PSD3: variants seen among roughly 807,000 people sequenced by gnomAD.
PSD3 encodes the protein pleckstrin and Sec7 domain containing 3.
In PSD3, 49 loss-of-function variants were observed where a neutral mutation model predicts 105.5. That is an observed-to-expected ratio of 0.46 (90% CI 0.37 to 0.59). The LOEUF (loss-of-function observed/expected upper bound fraction) is 0.59. Ranked by LOEUF, PSD3 falls within the 20% of genes least tolerant of loss-of-function variation. The pLI is 0.00. For missense variants in PSD3, 1,561 were observed against 1,263.8 expected, an observed-to-expected ratio of 1.24 and a Z score of -3.57; for synonymous variants, 557 against 457.8, an observed-to-expected ratio of 1.22 and a Z score of -2.77.
intron 9 of PSD3, among the ~76,000 whole-genome samples, chr8:18,685,136 T>C (rs1260721354): frequency 6.6e-6 from 1 of 152,232 alleles, no homozygotes; most frequent in Admixed American, 6.5e-5. Context: ...ACCCCTCAGA[T>C]TTAAACTTTT....
chr8:18,625,749 G>C (rs1035380249), intron 11 of PSD3, among the ~76,000 whole-genome samples: 2 of 152,140 alleles, frequency 1.3e-5, no homozygotes, highest in African/African-American at 2.4e-5. Context: ...CCTTGGTTAA[G>C]ATGCTTAGGA....
chr8:19,034,640 T>G (rs1227277878), intron 1 of PSD3, among the ~76,000 whole-genome samples: 1 of 152,212 alleles, frequency 6.6e-6, no homozygotes, highest in Non-Finnish European at 1.5e-5. Flanking sequence ...GATGACCCCC[T>G]GCAACAGGCT....
chr8:19,013,739 T>A, upstream of PSD3: 1 of 499,346 alleles, frequency 2.0e-6, no homozygotes, highest in Non-Finnish European at 2.8e-6. Flanking sequence ...TGGCGGAGGC[T>A]GGCGAGGCTG....
rs1042815041 is a variant in PSD3 at position 18,583,430 on chromosome 8, C to T, written c.2482-8145G>A. Among the ~76,000 whole-genome samples the T allele has an allele frequency of 5.3e-5, 8 of 152,022 alleles. No homozygotes were observed. In the South Asian group the frequency reaches 1.7e-3, roughly 32 times the overall value. On this transcript the variant is annotated intron_variant, in intron 12 of 15. Transcript: ENST00000327040. ...TGGGTAACAGAGTGAGACCTAGTTT[C>T]AAAAAAATAAGTAAAATAATCAGGT...
chr8:18,884,530 G>A (rs1016690753), intron 2 of PSD3, among the ~76,000 whole-genome samples: 4 of 152,018 alleles, frequency 2.6e-5, no homozygotes, highest in African/African-American at 9.7e-5. Context: ...ACATTTTGAA[G>A]AAAACTACGG....
intron 11 of PSD3, among the ~76,000 whole-genome samples, chr8:18,609,319 G>C (rs1281435880): frequency 6.6e-6 from 1 of 152,220 alleles, no homozygotes; most frequent in Non-Finnish European, 1.5e-5. Context: ...ATGTGGGGAT[G>C]AGGTAGTTCT....
chr8:18,888,865 T>C lies in PSD3; in HGVS notation c.131-16132A>G, dbSNP rs577056895. On this transcript the variant is annotated intron_variant, in intron 2 of 15. Transcript: ENST00000327040. ...GGAAAGAGTGGTAAGCGCCCTTTTG[T>C]TCTCCCTCTTCCTTATGCCTGGAAT... is the stretch of plus-strand genomic sequence containing the variant. 1.1e-3 allele frequency among the ~76,000 whole-genome samples: 161 copies of C among 152,096 alleles called. 1 individual carries two copies. Among genetic ancestry groups the C allele is most frequent in the African/African-American group, 3.4e-3 (143 of 41,498 alleles).
intron 1 of PSD3, among the ~76,000 whole-genome samples, chr8:19,031,051 G>T (rs567174985): frequency 1.4e-4 from 21 of 152,148 alleles, no homozygotes; most frequent in Non-Finnish European, 2.6e-4. Flanking sequence ...TATGCTACCA[G>T]TTCTGGCAAA....
chr8:18,917,523 A>G (rs1820702611), intron 2 of PSD3, among the ~76,000 whole-genome samples: 1 of 152,198 alleles, frequency 6.6e-6, no homozygotes, highest in Admixed American at 6.5e-5. Flanking sequence ...AACGACCTAC[A>G]GCAAGTCCTC....
At chr8:18,725,864 A>G (rs1295055818) in intron 9 of PSD3, among the ~76,000 whole-genome samples, 1 of 152,180 alleles carries the variant, frequency 6.6e-6, no homozygotes, top group Non-Finnish European at 1.5e-5. Flanking sequence ...ACCAATGGCA[A>G]TGACGCAAAG....
At chr8:19,047,228 C>CAAG (rs1351747654) in intron 1 of PSD3, among the ~76,000 whole-genome samples, 1 of 152,198 alleles carries the variant, frequency 6.6e-6, no homozygotes, top group Non-Finnish European at 1.5e-5. Flanking sequence ...GATTTGCAAG[C>CAAG]CTGGAGGTCC....
rs972255668 is a variant in PSD3, at chr8:18,936,029, C to T, written c.130+5G>A. ...CCTGGGAGAGGGATATGAGGAAATA[C>T]TTACTAGTATCTGGAGCTTTCCCTT... is the stretch of plus-strand genomic sequence containing the variant. On this transcript the variant is annotated splice_donor_5th_base_variant and intron_variant, in intron 2 of 15. Coordinates refer to ENST00000327040, the MANE Select transcript of PSD3 (RefSeq NM_015310.4). 1 of 1,582,116 alleles carries T rather than the reference C, an allele frequency of 6.3e-7. No homozygotes were observed. Among genetic ancestry groups the T allele is most frequent in the Admixed American group, 1.7e-5 (1 of 59,882 alleles).
intron 9 of PSD3, among the ~76,000 whole-genome samples, chr8:18,664,507 T>C (rs923953760): frequency 7.9e-5 from 12 of 152,312 alleles, no homozygotes; most frequent in African/African-American, 2.9e-4. Flanking sequence ...AGGTAACAGA[T>C]GTCGGTTCGT....
chr8:18,662,654 G>C (rs1383022506), intron 9 of PSD3, among the ~76,000 whole-genome samples: 2 of 152,186 alleles, frequency 1.3e-5, no homozygotes, highest in African/African-American at 4.8e-5. Context: ...CATAAAGTTA[G>C]TGTTCTTTGC....
intron 4 of PSD3, among the ~76,000 whole-genome samples, chr8:18,861,713 C>T (rs555264336): frequency 1.5e-4 from 23 of 152,246 alleles, no homozygotes; most frequent in Admixed American, 1.5e-3. Flanking sequence ...TATCTATTTT[C>T]TTATTATTCC....
At chr8:19,037,953 TA>T (rs1408131310) in intron 1 of PSD3, among the ~76,000 whole-genome samples, 3 of 149,296 alleles carry the variant, frequency 2.0e-5, no homozygotes, top group Non-Finnish European at 4.4e-5. Context: ...ATATACACAT[TA>T]AAAGTATATA....
chr8:19,049,414 G>T (rs1828437938), intron 1 of PSD3, among the ~76,000 whole-genome samples: 1 of 152,116 alleles, frequency 6.6e-6, no homozygotes, highest in African/African-American at 2.4e-5. Flanking sequence ...GATGTGCCAG[G>T]CACAGTGGCC....
chr8:18,615,043 G>A (rs1339076377), intron 11 of PSD3, among the ~76,000 whole-genome samples: 2 of 152,146 alleles, frequency 1.3e-5, no homozygotes, highest in Non-Finnish European at 2.9e-5. Flanking sequence ...GAAATTCAAT[G>A]TTAGATATGA....
intron 9 of PSD3, among the ~76,000 whole-genome samples, chr8:18,746,333 C>T (rs1451397676): frequency 6.6e-6 from 1 of 152,190 alleles, no homozygotes; most frequent in African/African-American, 2.4e-5. Context: ...CCCCTGCTGA[C>T]CCTTGCTGAA....
Sources: allele counts gnomAD v4.1 joint callset (sites outside exome capture counted in the v4.1 genomes callset), GRCh38; gene constraint gnomAD v4.1.1; transcripts MANE v1.5; gene names NCBI Gene and HGNC (gene_info 2026-07-23, HGNC 2026-07-21).